Variants in DLG2 observed in about 807,000 individuals in gnomAD.
The protein encoded by DLG2 is disks large homolog 2.
A neutral mutation model predicts 132.5 loss-of-function variants in DLG2; 45 were observed. The observed-to-expected ratio is 0.34, with a 90% CI of 0.27 to 0.44. The LOEUF is 0.44. Ranked by LOEUF, DLG2 falls within the 20% of genes least tolerant of loss-of-function variation. The probability of loss-of-function intolerance (pLI) is 1.00; values close to 1 mark genes in which losing one functional copy is unlikely to be tolerated. For synonymous variants in DLG2, 424 were observed against 419.6 expected (o/e 1.01, Z -0.13); for missense variants, 1,045 against 1,196.9 (o/e 0.87, Z 1.87).
intron 9 of DLG2, among the ~76,000 whole-genome samples, chr11:84,117,896 C>T (rs561238084): frequency 1.7e-4 from 26 of 152,098 alleles, no homozygotes; most frequent in Admixed American, 8.5e-4. Flanking sequence ...GCTCTTGTTG[C>T]CCAGGCTGGA....
chr11:84,493,436 A>T (rs1002587690), intron 7 of DLG2, among the ~76,000 whole-genome samples: 1 of 152,006 alleles, frequency 6.6e-6, no homozygotes, highest in Admixed American at 6.6e-5. Context: ...CTCTCCACCC[A>T]TTCCACCCCC....
intron 2 of DLG2, among the ~76,000 whole-genome samples, chr11:85,601,032 T>C (rs2080118296): frequency 6.6e-6 from 1 of 152,218 alleles, no homozygotes; most frequent in Non-Finnish European, 1.5e-5. Flanking sequence ...CACAGCAGCA[T>C]ACCATTATGT....
At chr11:83,486,164 T>TGATTGATA (rs906736474) in intron 21 of DLG2, 7 of 600,742 alleles carry the variant, frequency 1.2e-5, no homozygotes, top group Non-Finnish European at 2.1e-5. Context: ...TAGTTAAAAA[T>TGATTGATA]GATAGTCCTT....
chr11:84,074,901 A>G (rs1476445481), intron 10 of DLG2, among the ~76,000 whole-genome samples: 1 of 152,150 alleles, frequency 6.6e-6, no homozygotes, highest in African/African-American at 2.4e-5. Flanking sequence ...AGCTCTTCCT[A>G]TGTAATTTAA....
chr11:83,911,380 T>C (rs2076011565), intron 15 of DLG2, among the ~76,000 whole-genome samples: 5 of 152,180 alleles, frequency 3.3e-5, no homozygotes, highest in African/African-American at 9.6e-5. Context: ...TACAGTTTCA[T>C]ATTAGCAAAA....
intron 7 of DLG2, among the ~76,000 whole-genome samples, chr11:84,531,106 A>G (rs994946198): frequency 6.6e-6 from 1 of 152,162 alleles, no homozygotes; most frequent in African/African-American, 2.4e-5. Context: ...ACAGAGGGAA[A>G]CTTCGTTTCA....
chr11:85,499,801 T>C (rs773897204), intron 3 of DLG2, among the ~76,000 whole-genome samples: 4 of 152,032 alleles, frequency 2.6e-5, no homozygotes, highest in Non-Finnish European at 5.9e-5. Context: ...CATATGCAAA[T>C]CAATAAATGT....
intron 3 of DLG2, among the ~76,000 whole-genome samples, chr11:85,430,261 G>T (rs186910461): frequency 0.015 from 2,237 of 151,196 alleles, 28 homozygotes; most frequent in Non-Finnish European, 0.023. Context: ...TAAATGACGA[G>T]TTGATGGGTG....
At chr11:84,841,748 A>G in intron 6 of DLG2, among the ~76,000 whole-genome samples, 1 of 151,954 alleles carries the variant, frequency 6.6e-6, no homozygotes, top group East Asian at 1.9e-4. Context: ...AAGTGCATAT[A>G]TCATTTTTAT....
intron 4 of DLG2, among the ~76,000 whole-genome samples, chr11:85,211,258 T>C (rs1399118988): frequency 1.3e-5 from 2 of 152,272 alleles, no homozygotes; most frequent in African/African-American, 4.8e-5. Context: ...TGTTAAGTAC[T>C]CAGTAGATCA....
chr11:84,841,074 A>G (rs2080606873), intron 6 of DLG2, among the ~76,000 whole-genome samples: 1 of 151,944 alleles, frequency 6.6e-6, no homozygotes, highest in East Asian at 1.9e-4. Context: ...ACTATGCAGC[A>G]ATAAAAAGAG....
At chr11:85,548,089 C>T (rs547086440) in intron 3 of DLG2, among the ~76,000 whole-genome samples, 62 of 152,210 alleles carry the variant, frequency 4.1e-4, no homozygotes, top group African/African-American at 1.3e-3. Flanking sequence ...AATTTTCAGC[C>T]TTTTTGTGCT....
chr11:83,742,733 C>A (rs183634664), intron 18 of DLG2, among the ~76,000 whole-genome samples: 1 of 152,146 alleles, frequency 6.6e-6, no homozygotes. Context: ...CCCAAAATAC[C>A]TTTCATCCTG....
intron 7 of DLG2, among the ~76,000 whole-genome samples, chr11:84,459,226 A>G (rs2099073738): frequency 1.3e-5 from 2 of 150,650 alleles, no homozygotes; most frequent in Non-Finnish European, 3.0e-5. Flanking sequence ...CATACATACT[A>G]AGCTCTATTC....
intron 6 of DLG2, among the ~76,000 whole-genome samples, chr11:84,777,356 A>T (rs1013008206): frequency 6.8e-4 from 96 of 140,646 alleles, no homozygotes; most frequent in African/African-American, 2.5e-3. Flanking sequence ...CCACTGATGG[A>T]TGCTTATGTT....
intron 7 of DLG2, among the ~76,000 whole-genome samples, chr11:84,329,224 A>G (rs1052121341): frequency 1.3e-5 from 2 of 152,194 alleles, no homozygotes; most frequent in Admixed American, 1.3e-4. Flanking sequence ...ATTTCACAAT[A>G]TAATTATTAT....
At chr11:85,065,533 C>G (rs1468339834) in intron 6 of DLG2, among the ~76,000 whole-genome samples, 1 of 150,278 alleles carries the variant, frequency 6.7e-6, no homozygotes, top group Non-Finnish European at 1.5e-5. Context: ...ATCTACATAT[C>G]CAGCTTTTTT....
chr11:85,210,028 A>T (rs1387110928), intron 4 of DLG2, among the ~76,000 whole-genome samples: 1 of 151,976 alleles, frequency 6.6e-6, no homozygotes, highest in Non-Finnish European at 1.5e-5. Context: ...ACCTGCCCTC[A>T]TCATCCTTTC....
intron 9 of DLG2, among the ~76,000 whole-genome samples, chr11:84,115,510 C>A (rs1257614860): frequency 6.6e-6 from 1 of 152,168 alleles, no homozygotes; most frequent in African/African-American, 2.4e-5. Flanking sequence ...AAATTTAAGT[C>A]ACGGACACCT....
Sources: allele counts gnomAD v4.1 joint callset (sites outside exome capture counted in the v4.1 genomes callset), GRCh38; gene constraint gnomAD v4.1.1; transcripts MANE v1.5; gene names NCBI Gene and HGNC (gene_info 2026-07-23, HGNC 2026-07-21).